Variants in PTER observed in about 807,000 individuals in gnomAD.
PTER encodes the protein N-acetyltaurine hydrolase.
PTER carries 38 observed loss-of-function variants against 29.6 expected under a neutral mutation model. That is an observed-to-expected ratio of 1.28 (90% CI 0.99 to 1.68). The LOEUF is 1.68. Ranked by LOEUF, PTER falls within the 40% of genes most tolerant of loss-of-function variation. The probability of loss-of-function intolerance (pLI) is 0.00; values close to 1 mark genes in which losing one functional copy is unlikely to be tolerated. For synonymous variants in PTER, 172 were observed against 154.5 expected, an observed-to-expected ratio of 1.11 and a Z score of -0.84; for missense variants, 482 against 427.8, an observed-to-expected ratio of 1.13 and a Z score of -1.12.
Position 16,511,286 on chromosome 10 carries a change from T to C in PTER, c.*30T>C. On this transcript the variant is annotated 3_prime_UTR_variant, in exon 5 of 5. Transcript: ENST00000535784. ...GTTGCTTATGAATTCACACCTTGAG[T>C]ATAAAACTTGCAGAGAACATTCAGC... 6.3e-7 allele frequency: 1 copy of C among 1,576,480 alleles called. No individual in the cohort carries two copies. Among genetic ancestry groups the C allele is most frequent in the Non-Finnish European group, 8.7e-7 (1 of 1,146,728 alleles).
chr10:16,486,856 T>A (rs879745454), intron 3 of PTER: 16 of 460,996 alleles, frequency 3.5e-5, no homozygotes, highest in Non-Finnish European at 5.0e-5. Flanking sequence ...ATATTTCGCA[T>A]AAGTCATTTC....
chr10:16,500,795 T>C (rs1368790722), intron 3 of PTER, among the ~76,000 whole-genome samples: 1 of 151,770 alleles, frequency 6.6e-6, no homozygotes, highest in African/African-American at 2.4e-5. Flanking sequence ...AGCTGGAGTC[T>C]AGTGGTGTGA....
At chr10:16,476,976 G>A (rs1285696774) in intron 1 of PTER, among the ~76,000 whole-genome samples, 2 of 148,106 alleles carry the variant, frequency 1.4e-5, no homozygotes, top group Non-Finnish European at 3.0e-5. Context: ...TGTGATTTGG[G>A]CTCACTGCAG....
intron 1 of PTER, among the ~76,000 whole-genome samples, chr10:16,483,246 A>G (rs1835547096): frequency 1.3e-5 from 2 of 152,212 alleles, no homozygotes; most frequent in African/African-American, 4.8e-5. Context: ...CTTTTTAGAG[A>G]TAGCCGATTT....
At chr10:16,506,975 A>G (rs1370096641) in intron 4 of PTER, among the ~76,000 whole-genome samples, 1 of 151,806 alleles carries the variant, frequency 6.6e-6, no homozygotes, top group African/African-American at 2.4e-5. Flanking sequence ...GCGTTTTGGT[A>G]GTGGAACCAG....
chr10:16,444,238 C>T (rs964459288), intron 1 of PTER, among the ~76,000 whole-genome samples: 1 of 152,112 alleles, frequency 6.6e-6, no homozygotes, highest in African/African-American at 2.4e-5. Flanking sequence ...CGTGATCTAC[C>T]CGCCTCGGCC....
At chr10:16,467,328 G>T (rs1834872016) in intron 1 of PTER, among the ~76,000 whole-genome samples, 1 of 151,954 alleles carries the variant, frequency 6.6e-6, no homozygotes, top group Non-Finnish European at 1.5e-5. Context: ...GTATATATGG[G>T]ACAAAAACAT....
chr10:16,471,271 A>G (rs1835043693), intron 1 of PTER, among the ~76,000 whole-genome samples: 1 of 152,262 alleles, frequency 6.6e-6, no homozygotes, highest in African/African-American at 2.4e-5. Context: ...TCTTGAGTTC[A>G]TAACTCGTTG....
chr10:16,459,198 A>T (rs1019792007), intron 1 of PTER, among the ~76,000 whole-genome samples: 9 of 152,138 alleles, frequency 5.9e-5, no homozygotes, highest in Non-Finnish European at 1.3e-4. Flanking sequence ...CAGTCGCAAG[A>T]TCTATTTCTT....
chr10:16,486,715 C>G, intron 3 of PTER, 98 bp downstream of exon 3: 3 of 1,336,314 alleles, frequency 2.2e-6, no homozygotes, highest in Non-Finnish European at 3.0e-6. Flanking sequence ...ATACTAATCA[C>G]GCAGAGAAAA....
chr10:16,499,154 G>A (rs565611592), intron 3 of PTER, among the ~76,000 whole-genome samples: 105 of 152,230 alleles, frequency 6.9e-4, no homozygotes, highest in Non-Finnish European at 1.3e-3. Flanking sequence ...TGTAAGATGG[G>A]GACAGTCACA....
intron 3 of PTER, among the ~76,000 whole-genome samples, chr10:16,497,603 A>G (rs987498735): frequency 6.6e-6 from 1 of 152,216 alleles, no homozygotes; most frequent in African/African-American, 2.4e-5. Context: ...TTGAAACTGT[A>G]AAGCCCAAGA....
intron 1 of PTER, among the ~76,000 whole-genome samples, chr10:16,458,116 C>A (rs1042171215): frequency 1.4e-4 from 21 of 152,092 alleles, no homozygotes; most frequent in Non-Finnish European, 2.2e-4. Context: ...ACAAAAGAAA[C>A]CCTATTATCT....
chr10:16,448,806 G>C (rs995001860), intron 1 of PTER, among the ~76,000 whole-genome samples: 1 of 152,228 alleles, frequency 6.6e-6, no homozygotes, highest in Non-Finnish European at 1.5e-5. Flanking sequence ...GACAGTAAAG[G>C]TATATTGCTG....
intron 3 of PTER, among the ~76,000 whole-genome samples, chr10:16,499,428 T>TTTTA (rs144839001): frequency 0.068 from 10,331 of 151,314 alleles, 722 homozygotes; most frequent in African/African-American, 0.16. Flanking sequence ...AATTTAATTA[T>TTTTA]TTTATTTATT....
chr10:16,468,207 T>C (rs1834912382), intron 1 of PTER, among the ~76,000 whole-genome samples: 1 of 152,072 alleles, frequency 6.6e-6, no homozygotes, highest in East Asian at 1.9e-4. Context: ...CCGAGTGTGG[T>C]GGCAGACACC....
intron 1 of PTER, among the ~76,000 whole-genome samples, chr10:16,438,642 C>A (rs1426093974): frequency 1.7e-4 from 26 of 148,724 alleles, no homozygotes; most frequent in African/African-American, 6.4e-4. Context: ...GGTGAGTGGT[C>A]TCAGGCCAGG....
intron 1 of PTER, among the ~76,000 whole-genome samples, chr10:16,448,935 A>G (rs1834107622): frequency 6.6e-6 from 1 of 152,230 alleles, no homozygotes; most frequent in African/African-American, 2.4e-5. Context: ...AATTTTCACA[A>G]GCAATGAAAC....
At chr10:16,485,905 A>G (rs1273881962) in intron 2 of PTER, among the ~76,000 whole-genome samples, 1 of 152,174 alleles carries the variant, frequency 6.6e-6, no homozygotes, top group Non-Finnish European at 1.5e-5. Context: ...GTCCAGCCTG[A>G]GTAACATGGT....
Sources: gnomAD v4.1 joint callset for allele counts (sites outside exome capture counted in the v4.1 genomes callset) on GRCh38, gnomAD v4.1.1 for gene constraint, MANE v1.5 for transcripts, NCBI Gene and HGNC (gene_info 2026-07-23, HGNC 2026-07-21) for gene names.